Variants in SMOC1 observed in about 807,000 individuals in gnomAD.
The protein encoded by SMOC1 is SPARC related modular calcium binding 1.
SMOC1 carries 22 observed loss-of-function variants against 56.3 expected under a neutral mutation model. The observed-to-expected ratio is 0.39, with a 90% CI of 0.28 to 0.56. SMOC1 has a LOEUF of 0.56. Among genes scored for constraint, SMOC1 ranks in the 20% least tolerant of loss-of-function variants. The pLI is 0.61. For missense variants in SMOC1, 509 were observed against 565.4 expected, an observed-to-expected ratio of 0.90 and a Z score of 1.01; for synonymous variants, 193 against 215.0, an observed-to-expected ratio of 0.90 and a Z score of 0.89.
chr14:69,975,825 G>C lies in SMOC1; in HGVS notation c.478+11G>C. 6.3e-7 allele frequency: 1 copy of C among 1,594,958 alleles called. No homozygotes were observed. Among genetic ancestry groups the C allele is most frequent in the Non-Finnish European group, 8.6e-7 (1 of 1,164,420 alleles). On this transcript the variant is annotated intron_variant, in intron 4 of 11. Transcript: ENST00000361956. The stretch of plus-strand genomic sequence containing the variant: ...CTCCTGTATGTTCAGGTACCGTAGG[G>C]AGGGGCGGGAAGAATGAAAAGGGTT...
intron 7 of SMOC1, among the ~76,000 whole-genome samples, chr14:69,998,049 G>A (rs17175095): frequency 1.5e-4 from 23 of 152,246 alleles, no homozygotes; most frequent in Non-Finnish European, 2.8e-4. Flanking sequence ...TGTTGGAAAG[G>A]TTCCACTGGG....
chr14:69,983,082 G>T (rs78795576), intron 5 of SMOC1, among the ~76,000 whole-genome samples: 1 of 152,072 alleles, frequency 6.6e-6, no homozygotes, highest in African/African-American at 2.4e-5. Flanking sequence ...TAACTGCTCC[G>T]CCAGCTTGGC....
At chr14:69,984,662 G>T (rs1282568631) in intron 5 of SMOC1, among the ~76,000 whole-genome samples, 1 of 150,120 alleles carries the variant, frequency 6.7e-6, no homozygotes, top group Non-Finnish European at 1.5e-5. Flanking sequence ...ACCCAACATG[G>T]TGAAACCCTA....
At chr14:69,933,151 A>G (rs577738992) in intron 1 of SMOC1, among the ~76,000 whole-genome samples, 1 of 152,350 alleles carries the variant, frequency 6.6e-6, no homozygotes, top group South Asian at 2.1e-4. Context: ...TACAAAATAC[A>G]TCTTTACGAT....
intron 1 of SMOC1, among the ~76,000 whole-genome samples, chr14:69,925,636 C>T (rs2139379294): frequency 6.6e-6 from 1 of 152,280 alleles, no homozygotes; most frequent in Middle Eastern, 3.4e-3. Flanking sequence ...GTGTCTCCGT[C>T]TCCGGCACTA....
chr14:70,013,281 T>A, intron 9 of SMOC1, 105 bp from the exon 10 acceptor site: 2 of 1,007,094 alleles, frequency 2.0e-6, no homozygotes, highest in Non-Finnish European at 1.5e-6. Context: ...TGGATTTGGC[T>A]GGACAAGAAG....
In SMOC1 at chr14:69,954,625, G is replaced by A. The variant is rs183964812; in HGVS notation, c.378+1093G>A. Among the ~76,000 whole-genome samples the A allele has an allele frequency of 9.2e-5, 14 of 152,326 alleles. No individual in the cohort carries two copies. The East Asian group carries it at 2.7e-3, about 29-fold the overall frequency. On this transcript the variant is annotated intron_variant, in intron 3 of 11. Coordinates refer to ENST00000361956, the MANE Select transcript of SMOC1 (RefSeq NM_001034852.3). ...TCTGTGAGAGTCAGATATGATGCCA[G>A]CTGAGTGAAGGTGCTGTCCTGATGA... is the stretch of plus-strand genomic sequence containing the variant.
At chr14:69,935,681 G>A (rs986645812) in intron 1 of SMOC1, among the ~76,000 whole-genome samples, 6 of 146,512 alleles carry the variant, frequency 4.1e-5, no homozygotes, top group Middle Eastern at 3.4e-3. Flanking sequence ...GTGGCAGCAC[G>A]GGGGTGGTTG....
chr14:69,915,027 C>G (rs773649354), intron 1 of SMOC1, among the ~76,000 whole-genome samples: 1 of 152,076 alleles, frequency 6.6e-6, no homozygotes, highest in African/African-American at 2.4e-5. Flanking sequence ...CCACCACGCC[C>G]GGCTAATTTT....
intron 9 of SMOC1, 140 bp from the exon 10 acceptor site, chr14:70,013,246 C>G (rs1885400055): frequency 1.3e-6 from 1 of 753,854 alleles, no homozygotes; most frequent in Non-Finnish European, 2.3e-6. Context: ...TGAGACTCAT[C>G]TGATCAGTAA....
chr14:69,942,271 T>C (rs1882593767), intron 1 of SMOC1, among the ~76,000 whole-genome samples: 1 of 152,066 alleles, frequency 6.6e-6, no homozygotes, highest in Non-Finnish European at 1.5e-5. Flanking sequence ...TCAATGTACC[T>C]AGCATGGTGG....
chr14:69,882,913 TTGAC>T (rs1294206100), intron 1 of SMOC1, among the ~76,000 whole-genome samples: 13 of 152,234 alleles, frequency 8.5e-5, no homozygotes, highest in Non-Finnish European at 1.5e-4. Context: ...AGGTTCCACT[TTGAC>T]TGGAGGCAGG....
In SMOC1 at chr14:69,922,282, C is replaced by T. The variant is rs117047123; in HGVS notation, c.100-29856C>T. Among the ~76,000 whole-genome samples, 218 of 152,292 alleles carry T rather than the reference C, an allele frequency of 1.4e-3. 7 individuals carry two copies. In the East Asian group the frequency reaches 0.037, roughly 26 times the overall value. The stretch of plus-strand genomic sequence containing the variant: ...AGCACAGTGCCTGGCATAAAGTCAG[C>T]GAGCCCAATAAACAGTGGTGATGTT... On this transcript the variant is annotated intron_variant, in intron 1 of 11. Coordinates refer to ENST00000361956, the MANE Select transcript of SMOC1 (RefSeq NM_001034852.3).
intron 4 of SMOC1, among the ~76,000 whole-genome samples, chr14:69,976,878 A>G (rs1046167294): frequency 6.6e-6 from 1 of 152,198 alleles, no homozygotes; most frequent in Non-Finnish European, 1.5e-5. Context: ...GCTCTGTTAC[A>G]TGAAGGAAAA....
At chr14:70,007,654 G>A (rs1211017696) in intron 7 of SMOC1, among the ~76,000 whole-genome samples, 1 of 152,240 alleles carries the variant, frequency 6.6e-6, no homozygotes, top group Admixed American at 6.5e-5. Context: ...AAGCCTGACT[G>A]TCAGGATCCC....
chr14:69,918,223 T>G (rs1331103924), intron 1 of SMOC1, among the ~76,000 whole-genome samples: 1 of 142,342 alleles, frequency 7.0e-6, no homozygotes, highest in Non-Finnish European at 1.5e-5. Context: ...ACTTACCCTA[T>G]ATATATATAT....
At chr14:69,892,755 T>C (rs1476387663) in intron 1 of SMOC1, among the ~76,000 whole-genome samples, 1 of 152,198 alleles carries the variant, frequency 6.6e-6, no homozygotes, top group Non-Finnish European at 1.5e-5. Flanking sequence ...ATCTGTACAT[T>C]TTCATATATA....
chr14:69,879,833 C>A, intron 1 of SMOC1, 56 bp downstream of exon 1: 1 of 1,446,026 alleles, frequency 6.9e-7, no homozygotes, highest in Non-Finnish European at 9.3e-7. Flanking sequence ...GTTGCTTCCC[C>A]CCTCATCCCT....
chr14:69,915,430 A>T (rs369199534), intron 1 of SMOC1, among the ~76,000 whole-genome samples: 4 of 152,280 alleles, frequency 2.6e-5, no homozygotes, highest in African/African-American at 9.6e-5. Flanking sequence ...TACTGTAGCC[A>T]CTGTCTCCTG....
Sources: allele counts gnomAD v4.1 joint callset (sites outside exome capture counted in the v4.1 genomes callset), GRCh38; gene constraint gnomAD v4.1.1; transcripts MANE v1.5; gene names NCBI Gene and HGNC (gene_info 2026-07-23, HGNC 2026-07-21).